The following VDAC1 variants were observed in gnomAD, a reference collection of about 807,000 sequenced individuals.
VDAC1 encodes voltage dependent anion channel 1.
In VDAC1, 10 loss-of-function variants were observed where a neutral mutation model predicts 34.7. That is an observed-to-expected ratio of 0.29 (90% CI 0.18 to 0.49). The LOEUF is 0.49. VDAC1 is among the 20% of genes least tolerant of loss of function. The pLI is 0.99. For synonymous variants in VDAC1, 130 were observed against 136.0 expected (o/e 0.96, Z 0.30); for missense variants, 230 against 347.9 (o/e 0.66, Z 2.69).
chr5:133,993,404 A>G (rs1312531025), intron 1 of VDAC1, among the ~76,000 whole-genome samples: 1 of 152,240 alleles, frequency 6.6e-6, no homozygotes, highest in African/African-American at 2.4e-5. Flanking sequence ...AAAACATATC[A>G]TCTTACAAAA....
chr5:134,111,962 A>G, the VDAC1 span, among the ~76,000 whole-genome samples: 2 of 152,230 alleles, frequency 1.3e-5, no homozygotes, highest in African/African-American at 4.8e-5. Context: ...TGTGATGATT[A>G]AATGAGATAA....
At chr5:134,059,786 C>T in the VDAC1 span, among the ~76,000 whole-genome samples, 1 of 152,002 alleles carries the variant, frequency 6.6e-6, no homozygotes. Context: ...TTCTCAGCAA[C>T]AGCAAACTTA....
chr5:134,072,058 G>GCCCCT, the VDAC1 span, among the ~76,000 whole-genome samples: 3 of 152,138 alleles, frequency 2.0e-5, no homozygotes, highest in Non-Finnish European at 4.4e-5. Flanking sequence ...ATGCAAAGGG[G>GCCCCT]TTCTCAAGTA....
the VDAC1 span, among the ~76,000 whole-genome samples, chr5:134,037,738 T>C: frequency 6.6e-6 from 1 of 152,128 alleles, no homozygotes; most frequent in Admixed American, 6.6e-5. Flanking sequence ...ATCAGGGAGG[T>C]TGGGTCTTAA....
chr5:134,063,311 A>T, the VDAC1 span, among the ~76,000 whole-genome samples: 1 of 152,324 alleles, frequency 6.6e-6, no homozygotes, highest in Non-Finnish European at 1.5e-5. Context: ...GTGGACTACC[A>T]CAATGTATTT....
the VDAC1 span, among the ~76,000 whole-genome samples, chr5:134,051,672 T>TG: frequency 6.6e-6 from 1 of 151,612 alleles, no homozygotes; most frequent in South Asian, 2.1e-4. Flanking sequence ...CAGTTTGTTT[T>TG]TTTTTTTTTT....
At chr5:133,996,439 G>GT (rs1386779720) in intron 1 of VDAC1, among the ~76,000 whole-genome samples, 2 of 152,122 alleles carry the variant, frequency 1.3e-5, no homozygotes, top group Non-Finnish European at 2.9e-5. Flanking sequence ...GAAGGATAGT[G>GT]TATCTATCAC....
the VDAC1 span, among the ~76,000 whole-genome samples, chr5:134,060,420 AG>A: frequency 1.9e-4 from 29 of 152,074 alleles, 1 homozygote; most frequent in South Asian, 4.6e-3. Context: ...GAAACCAAAA[AG>A]CTTCCTAGTC....
the VDAC1 span, among the ~76,000 whole-genome samples, chr5:134,032,925 C>T: frequency 4.0e-5 from 6 of 151,484 alleles, no homozygotes; most frequent in South Asian, 1.3e-3. Flanking sequence ...TCCAGCTACT[C>T]AGGAGGCTGG....
At chr5:134,060,997 C>T in the VDAC1 span, among the ~76,000 whole-genome samples, 4 of 149,246 alleles carry the variant, frequency 2.7e-5, no homozygotes, top group South Asian at 4.2e-4. Flanking sequence ...CTCAGCTTCC[C>T]GAGTAGCTGG....
At chr5:134,106,947 G>T in the VDAC1 span, among the ~76,000 whole-genome samples, 4 of 152,072 alleles carry the variant, frequency 2.6e-5, no homozygotes, top group South Asian at 8.3e-4. Context: ...CCTCCCTCTG[G>T]TCTCTGTCCT....
At chr5:134,043,818 C>T in the VDAC1 span, among the ~76,000 whole-genome samples, 1 of 152,164 alleles carries the variant, frequency 6.6e-6, no homozygotes, top group Non-Finnish European at 1.5e-5. Context: ...CAGGTGTGAG[C>T]CACCGCGCCC....
At chr5:134,041,320 A>G in the VDAC1 span, among the ~76,000 whole-genome samples, 3 of 152,310 alleles carry the variant, frequency 2.0e-5, no homozygotes, top group Middle Eastern at 3.4e-3. Context: ...TTACTGCTTC[A>G]GGTACCTACA....
At chr5:134,068,278 A>C in the VDAC1 span, among the ~76,000 whole-genome samples, 3 of 151,792 alleles carry the variant, frequency 2.0e-5, no homozygotes, top group Non-Finnish European at 4.4e-5. Flanking sequence ...TATGAGATTT[A>C]CCCAACATAT....
chr5:134,075,831 C>T, the VDAC1 span, among the ~76,000 whole-genome samples: 6 of 152,048 alleles, frequency 3.9e-5, no homozygotes, highest in African/African-American at 1.2e-4. Context: ...GTGATTCGCC[C>T]GCCTCAGCCT....
At chr5:134,084,087 A>C in the VDAC1 span, among the ~76,000 whole-genome samples, 1 of 152,222 alleles carries the variant, frequency 6.6e-6, no homozygotes, top group Non-Finnish European at 1.5e-5. Flanking sequence ...AAACAAACTT[A>C]GAGATGATTA....
chr5:134,084,957 G>T, the VDAC1 span, among the ~76,000 whole-genome samples: 1 of 152,216 alleles, frequency 6.6e-6, no homozygotes, highest in Non-Finnish European at 1.5e-5. Context: ...CCCACGGTTT[G>T]ACTAATGTAA....
chr5:134,034,533 C>T, the VDAC1 span, among the ~76,000 whole-genome samples: 15 of 152,298 alleles, frequency 9.8e-5, no homozygotes, highest in African/African-American at 2.6e-4. Context: ...ACGCGCCGGA[C>T]GCTAGGAAGA....
chr5:134,064,716 T>TTC, the VDAC1 span, among the ~76,000 whole-genome samples: 2,030 of 11,586 alleles, frequency 0.18, 62 homozygotes, highest in African/African-American at 0.5. Context: ...CTGTAACTTC[T>TTC]TTTTTTTTTT....
Sources: allele counts gnomAD v4.1 joint callset (sites outside exome capture counted in the v4.1 genomes callset), GRCh38; gene constraint gnomAD v4.1.1; transcripts MANE v1.5; gene names NCBI Gene and HGNC (gene_info 2026-07-23, HGNC 2026-07-21).